PPP3R1: variants seen among roughly 807,000 people sequenced by gnomAD.
The protein encoded by PPP3R1 is protein phosphatase 3 regulatory subunit B, alpha.
A neutral mutation model predicts 22.6 loss-of-function variants in PPP3R1; 5 were observed. The ratio of observed to expected loss-of-function variants is 0.22; its 90% CI spans 0.12 to 0.46. The LOEUF (loss-of-function observed/expected upper bound fraction) is 0.46. Ranked by LOEUF, PPP3R1 falls within the 20% of genes least tolerant of loss-of-function variation. The probability of loss-of-function intolerance (pLI) is 0.99; values close to 1 mark genes in which losing one functional copy is unlikely to be tolerated. For synonymous variants in PPP3R1, 56 were observed against 65.2 expected (o/e 0.86, Z 0.68); for missense variants, 61 against 203.2 (o/e 0.30, Z 4.25).
At chr2:68,227,264 A>G (rs1553408187) in intron 1 of PPP3R1, among the ~76,000 whole-genome samples, 1 of 152,132 alleles carries the variant, frequency 6.6e-6, no homozygotes, top group Non-Finnish European at 1.5e-5. Flanking sequence ...GTAATAGAAT[A>G]TTTTTTAAAA....
chr2:68,223,806 C>CAAAAAAAAAAAAAAAAAAAAAGAAAAAAA (rs79743936), intron 1 of PPP3R1, among the ~76,000 whole-genome samples: 1 of 58,536 alleles, frequency 1.7e-5, no homozygotes, highest in Non-Finnish European at 3.9e-5. Flanking sequence ...AAAGGGAAGA[C>CAAAAAAAAAAAAAAAAAAAAAGAAAAAAA]AAAAAAAAAA....
chr2:68,236,495 G>C (rs1007916064), intron 1 of PPP3R1, among the ~76,000 whole-genome samples: 2 of 152,162 alleles, frequency 1.3e-5, no homozygotes, highest in Non-Finnish European at 2.9e-5. Context: ...AAAGAGCTTC[G>C]GGGAGACGAT....
chr2:68,217,723 G>C (rs557845800), intron 1 of PPP3R1, among the ~76,000 whole-genome samples: 1 of 152,044 alleles, frequency 6.6e-6, no homozygotes, highest in East Asian at 1.9e-4. Context: ...TTCATACAAA[G>C]TCTTATTTCA....
intron 2 of PPP3R1, among the ~76,000 whole-genome samples, chr2:68,194,574 A>G (rs573759377): frequency 1.6e-4 from 24 of 152,236 alleles, no homozygotes; most frequent in Non-Finnish European, 2.6e-4. Context: ...ATTTAGAAAA[A>G]AAGAATACAA....
chr2:68,204,603 GA>G (rs1558633110), intron 2 of PPP3R1, among the ~76,000 whole-genome samples: 3 of 152,096 alleles, frequency 2.0e-5, no homozygotes, highest in Admixed American at 6.5e-5. Flanking sequence ...GTACAATGGG[GA>G]AAGTAATTGT....
chr2:68,195,257 G>A (rs115552105), intron 2 of PPP3R1, among the ~76,000 whole-genome samples: 124 of 152,210 alleles, frequency 8.1e-4, no homozygotes, highest in Non-Finnish European at 1.5e-3. Flanking sequence ...TGAAACTTAT[G>A]ATCCAGTATT....
At chr2:68,219,874 G>C (rs751973239) in intron 1 of PPP3R1, among the ~76,000 whole-genome samples, 15 of 152,168 alleles carry the variant, frequency 9.9e-5, no homozygotes, top group Non-Finnish European at 1.8e-4. Flanking sequence ...ACATGACCAA[G>C]TTACTGACAA....
chr2:68,224,336 A>G (rs1468976739), intron 1 of PPP3R1, among the ~76,000 whole-genome samples: 1 of 152,188 alleles, frequency 6.6e-6, no homozygotes, highest in Non-Finnish European at 1.5e-5. Context: ...AAAAACAACA[A>G]TGGTGAAGGA....
At chr2:68,193,588 T>C (rs1187653577) in intron 2 of PPP3R1, among the ~76,000 whole-genome samples, 3 of 152,154 alleles carry the variant, frequency 2.0e-5, no homozygotes, top group African/African-American at 7.2e-5. Flanking sequence ...ATGGTAAATA[T>C]AGTTATTTTA....
At chr2:68,230,721 C>T (rs895748497) in intron 1 of PPP3R1, among the ~76,000 whole-genome samples, 5 of 152,262 alleles carry the variant, frequency 3.3e-5, no homozygotes, top group East Asian at 1.9e-4. Flanking sequence ...ATACTCTCTT[C>T]ATTTTCCTTC....
At chr2:68,206,554 T>A (rs1005956202) in intron 2 of PPP3R1, among the ~76,000 whole-genome samples, 3 of 152,204 alleles carry the variant, frequency 2.0e-5, no homozygotes, top group African/African-American at 4.8e-5. Context: ...ATAAGGAGAC[T>A]GAGAGAAATA....
chr2:68,202,514 T>C (rs1675003404), intron 2 of PPP3R1, among the ~76,000 whole-genome samples: 1 of 152,054 alleles, frequency 6.6e-6, no homozygotes, highest in Admixed American at 6.6e-5. Context: ...AACCTCTGCC[T>C]CCTGGGTTCA....
intron 2 of PPP3R1, among the ~76,000 whole-genome samples, chr2:68,198,117 A>T (rs1558630754): frequency 7.1e-6 from 1 of 141,508 alleles, no homozygotes; most frequent in African/African-American, 2.6e-5. Context: ...TATATATGTA[A>T]ATATATATGT....
intron 1 of PPP3R1, among the ~76,000 whole-genome samples, chr2:68,234,768 A>T (rs561147196): frequency 6.6e-6 from 1 of 152,262 alleles, no homozygotes; most frequent in South Asian, 2.1e-4. Flanking sequence ...ATTTAAAAAC[A>T]TATATAATAA....
chr2:68,239,613 T>C (rs1468967614), intron 1 of PPP3R1, among the ~76,000 whole-genome samples: 2 of 152,122 alleles, frequency 1.3e-5, no homozygotes, highest in Non-Finnish European at 2.9e-5. Flanking sequence ...AAGAGAACGA[T>C]GTGGCCTGAA....
intron 2 of PPP3R1, among the ~76,000 whole-genome samples, chr2:68,215,320 A>T (rs1478519404): frequency 6.6e-6 from 1 of 152,126 alleles, no homozygotes; most frequent in East Asian, 1.9e-4. Context: ...CCTATATTCC[A>T]AAACCCCCCC....
At chr2:68,202,401 C>A (rs532859237) in intron 2 of PPP3R1, among the ~76,000 whole-genome samples, 5 of 127,186 alleles carry the variant, frequency 3.9e-5, no homozygotes, top group Non-Finnish European at 8.1e-5. Flanking sequence ...TTTCTTTTTT[C>A]GTTTTTTGTT....
intron 1 of PPP3R1, among the ~76,000 whole-genome samples, chr2:68,250,360 A>G (rs1670323947): frequency 6.6e-6 from 1 of 152,228 alleles, no homozygotes. Context: ...CAAAAAACAG[A>G]GGACGGGGTG....
rs1572979379 is a variant in PPP3R1 at position 68,244,171 on chromosome 2, T to C, written c.3+7954A>G. On this transcript the variant is annotated intron_variant, in intron 1 of 5. Transcript: ENST00000234310. ...TTCCTTTTAGACCTATGTAAATTGATCAGAAGAACAAATCTGAGTTAATAA... is the reference window on the plus strand; with the variant it reads ...TTCCTTTTAGACCTATGTAAATTGACCAGAAGAACAAATCTGAGTTAATAA... Among the ~76,000 whole-genome samples the C allele has an allele frequency of 2.6e-5, 4 of 152,296 alleles. No individual in the cohort carries two copies. In the Middle Eastern group the frequency reaches 0.014, roughly 518 times the overall value.
Sources: allele counts gnomAD v4.1 joint callset (sites outside exome capture counted in the v4.1 genomes callset), GRCh38; gene constraint gnomAD v4.1.1; transcripts MANE v1.5; gene names NCBI Gene and HGNC (gene_info 2026-07-23, HGNC 2026-07-21).